CNTNAP2: variants seen among roughly 807,000 people sequenced by gnomAD.
The protein encoded by CNTNAP2 is contactin-associated protein-like 2.
A neutral mutation model predicts 155.2 loss-of-function variants in CNTNAP2; 98 were observed. The observed-to-expected ratio is 0.63, with a 90% CI of 0.54 to 0.75. CNTNAP2 has a LOEUF of 0.75. Ranked by LOEUF, CNTNAP2 falls within the 30% of genes least tolerant of loss-of-function variation. The pLI is 0.00. For missense variants in CNTNAP2, 1,727 were observed against 1,688.1 expected, an observed-to-expected ratio of 1.02 and a Z score of -0.40; for synonymous variants, 651 against 631.2, an observed-to-expected ratio of 1.03 and a Z score of -0.47.
chr7:146,700,727 A>G (rs902710380), intron 1 of CNTNAP2, among the ~76,000 whole-genome samples: 2 of 151,818 alleles, frequency 1.3e-5, no homozygotes, highest in Non-Finnish European at 2.9e-5. Flanking sequence ...ATAAAATCCC[A>G]GTCATTGTTT....
At chr7:147,292,301 C>T (rs1356455414) in intron 8 of CNTNAP2, among the ~76,000 whole-genome samples, 1 of 152,090 alleles carries the variant, frequency 6.6e-6, no homozygotes, top group Admixed American at 6.6e-5. Flanking sequence ...TTTCATTCAC[C>T]ATTAAATTGT....
At chr7:146,532,005 G>T (rs1368000415) in intron 1 of CNTNAP2, among the ~76,000 whole-genome samples, 1 of 151,742 alleles carries the variant, frequency 6.6e-6, no homozygotes. Context: ...AGTATTGGCA[G>T]TTTCCATTAA....
chr7:146,134,276 G>T (rs1797763084), intron 1 of CNTNAP2, among the ~76,000 whole-genome samples: 1 of 148,736 alleles, frequency 6.7e-6, no homozygotes. Flanking sequence ...CTGAGACTTT[G>T]CTGAAGTTGC....
chr7:147,796,422 G>C (rs184279197), intron 13 of CNTNAP2, among the ~76,000 whole-genome samples: 1 of 152,022 alleles, frequency 6.6e-6, no homozygotes, highest in Non-Finnish European at 1.5e-5. Context: ...ATTTGGCTTG[G>C]AATTTTAATA....
At chr7:147,029,347 AT>A (rs944306297) in intron 3 of CNTNAP2, among the ~76,000 whole-genome samples, 52 of 152,218 alleles carry the variant, frequency 3.4e-4, no homozygotes, top group African/African-American at 1.2e-3. Flanking sequence ...AGATTATTTC[AT>A]TATCATCAGT....
At chr7:147,906,642 T>C (rs2116757370) in intron 14 of CNTNAP2, among the ~76,000 whole-genome samples, 1 of 152,120 alleles carries the variant, frequency 6.6e-6, no homozygotes, top group East Asian at 1.9e-4. Context: ...GTATTTTTAG[T>C]AGAGTTGTGA....
chr7:147,039,895 G>T (rs1257907449), intron 3 of CNTNAP2, among the ~76,000 whole-genome samples: 1 of 152,082 alleles, frequency 6.6e-6, no homozygotes. Flanking sequence ...CATAGGAATG[G>T]GCAAAGATTT....
chr7:147,494,189 G>T (rs2141390), intron 11 of CNTNAP2, among the ~76,000 whole-genome samples: 43,488 of 151,804 alleles, frequency 0.29, 6,340 homozygotes, highest in East Asian at 0.43. Flanking sequence ...AAAGAGCTGT[G>T]AAAGTACTAC....
At chr7:148,374,896 C>T (rs1325266339) in intron 21 of CNTNAP2, among the ~76,000 whole-genome samples, 1 of 152,142 alleles carries the variant, frequency 6.6e-6, no homozygotes, top group Non-Finnish European at 1.5e-5. Context: ...TAAATCATAG[C>T]ACCCAGCTCT....
At chr7:146,469,706 T>G (rs2129126350) in intron 1 of CNTNAP2, among the ~76,000 whole-genome samples, 1 of 152,076 alleles carries the variant, frequency 6.6e-6, no homozygotes, top group East Asian at 1.9e-4. Context: ...ATTTTTATTT[T>G]TAGTGGAGAC....
intron 1 of CNTNAP2, among the ~76,000 whole-genome samples, chr7:146,478,707 C>G (rs914938893): frequency 2.0e-5 from 3 of 151,858 alleles, no homozygotes; most frequent in African/African-American, 7.3e-5. Flanking sequence ...TGCACACACA[C>G]AGGAAGGCAT....
At position 147,983,378 on chromosome 7, in the gene CNTNAP2, C is replaced by T. The variant is rs142682982; in HGVS notation, c.2383+5389C>T. Among the ~76,000 whole-genome samples the T allele has an allele frequency of 2.1e-3, 321 of 151,856 alleles. 1 individual carries two copies. The highest frequency in any genetic ancestry group is 7.2e-3 in the African/African-American group (297 of 41,422). On this transcript the variant is annotated intron_variant, in intron 15 of 23. Transcript: ENST00000361727. ...ATGCAGGTTCTAAACCAATCACTTT[C>T]GATTCATTTTCTCTCTTGATTCTCT...
chr7:146,811,125 A>G (rs940889281), intron 2 of CNTNAP2, among the ~76,000 whole-genome samples: 1 of 152,118 alleles, frequency 6.6e-6, no homozygotes, highest in African/African-American at 2.4e-5. Context: ...TCTGGCTTTG[A>G]TATGAACGTT....
chr7:146,153,706 C>A (rs1420834707), intron 1 of CNTNAP2, among the ~76,000 whole-genome samples: 1 of 152,134 alleles, frequency 6.6e-6, no homozygotes, highest in African/African-American at 2.4e-5. Context: ...ATCTTTATTA[C>A]TTTGGAGACC....
chr7:147,542,886 C>A (rs1799665120), intron 11 of CNTNAP2, among the ~76,000 whole-genome samples: 1 of 152,180 alleles, frequency 6.6e-6, no homozygotes, highest in South Asian at 2.1e-4. Context: ...ATATTTCAAT[C>A]TTTTCTTAAA....
At chr7:148,212,129 C>A (rs1415346040) in intron 18 of CNTNAP2, among the ~76,000 whole-genome samples, 2 of 140,606 alleles carry the variant, frequency 1.4e-5, no homozygotes, top group Non-Finnish European at 3.1e-5. Context: ...CTTTTGGTTT[C>A]TGTTTTTTGT....
chr7:146,277,675 C>A (rs1800185351), intron 1 of CNTNAP2, among the ~76,000 whole-genome samples: 1 of 152,144 alleles, frequency 6.6e-6, no homozygotes, highest in South Asian at 2.1e-4. Flanking sequence ...AACTTCCCAT[C>A]ATTTCCTAAG....
intron 13 of CNTNAP2, among the ~76,000 whole-genome samples, chr7:147,729,345 A>G (rs893524773): frequency 6.6e-5 from 10 of 151,870 alleles, no homozygotes; most frequent in African/African-American, 2.4e-4. Context: ...TTAGAAGTCT[A>G]AAGGTGAATA....
At chr7:147,091,243 C>A (rs1800396728) in intron 4 of CNTNAP2, among the ~76,000 whole-genome samples, 1 of 152,036 alleles carries the variant, frequency 6.6e-6, no homozygotes. Context: ...GATCTCTGGG[C>A]TCAGAGCCAA....
Sources: gnomAD v4.1 joint callset for allele counts (sites outside exome capture counted in the v4.1 genomes callset) on GRCh38, gnomAD v4.1.1 for gene constraint, MANE v1.5 for transcripts, NCBI Gene and HGNC (gene_info 2026-07-23, HGNC 2026-07-21) for gene names.